DPP6: variants seen among roughly 807,000 people sequenced by gnomAD.
The protein encoded by DPP6 is A-type potassium channel modulatory protein DPP6.
DPP6 carries 69 observed loss-of-function variants against 122.6 expected under a neutral mutation model. The observed-to-expected ratio is 0.56, with a 90% CI of 0.46 to 0.69. The LOEUF is 0.69. Among genes scored for constraint, DPP6 ranks in the 30% least tolerant of loss-of-function variants. The pLI, the probability that DPP6 is intolerant of heterozygous loss-of-function variation, is 0.00. For missense variants in DPP6, 928 were observed against 1,116.9 expected (o/e 0.83, Z 2.41); for synonymous variants, 418 against 433.1 (o/e 0.97, Z 0.43).
chr7:154,865,328 G>A (rs1295213689), intron 17 of DPP6: 2 of 152,266 alleles, frequency 1.3e-5, no homozygotes, highest in Non-Finnish European at 2.9e-5. Flanking sequence ...CACCTGGGAT[G>A]ATCATGTCAG....
chr7:154,063,817 T>G (rs1802479095), intron 1 of DPP6, among the ~76,000 whole-genome samples: 1 of 151,212 alleles, frequency 6.6e-6, no homozygotes, highest in Admixed American at 6.6e-5. Flanking sequence ...TAGAAGAAAG[T>G]TCAAATCTTC....
At chr7:154,390,945 C>T (rs1428901664) in intron 1 of DPP6, among the ~76,000 whole-genome samples, 2 of 152,170 alleles carry the variant, frequency 1.3e-5, no homozygotes, top group Non-Finnish European at 2.9e-5. Flanking sequence ...AAGGGTCCCA[C>T]CGTTTCTAAC....
chr7:154,622,730 C>T (rs1834774692), intron 5 of DPP6, among the ~76,000 whole-genome samples: 1 of 152,126 alleles, frequency 6.6e-6, no homozygotes, highest in Admixed American at 6.5e-5. Flanking sequence ...TATGGGGAAG[C>T]AGTACTGCAG....
At chr7:154,110,732 C>T (rs1033065006) in intron 1 of DPP6, among the ~76,000 whole-genome samples, 2 of 151,668 alleles carry the variant, frequency 1.3e-5, no homozygotes, top group African/African-American at 2.4e-5. Context: ...GGAAATGGGT[C>T]GGGAGTTCTC....
chr7:154,680,676 T>TTATATA (rs1261722015), intron 7 of DPP6, among the ~76,000 whole-genome samples: 51 of 90,178 alleles, frequency 5.7e-4, no homozygotes, highest in African/African-American at 1.7e-3. Context: ...TAAAGCAACA[T>TTATATA]TATATATATA....
intron 1 of DPP6, among the ~76,000 whole-genome samples, chr7:154,039,286 T>C (rs539521778): frequency 8.1e-5 from 12 of 148,028 alleles, no homozygotes; most frequent in South Asian, 2.1e-4. Flanking sequence ...CAGGAAAATA[T>C]GCCTTTTTGA....
chr7:154,250,108 C>G (rs1802253461), intron 1 of DPP6, among the ~76,000 whole-genome samples: 1 of 152,126 alleles, frequency 6.6e-6, no homozygotes, highest in Non-Finnish European at 1.5e-5. Flanking sequence ...CACATACCCC[C>G]TGCTTGCTCA....
At chr7:154,802,796 C>T (rs1304325630) in intron 13 of DPP6, among the ~76,000 whole-genome samples, 1 of 149,432 alleles carries the variant, frequency 6.7e-6, no homozygotes, top group Admixed American at 6.6e-5. Flanking sequence ...GAGATCGTGC[C>T]ACTGCACTCC....
intron 1 of DPP6, chr7:154,058,899 A>G (rs1801219767): frequency 6.9e-6 from 1 of 145,244 alleles, no homozygotes; most frequent in African/African-American, 2.6e-5. Context: ...GTGGGGACTG[A>G]GAGCTATCCC....
rs76491186 is a variant in DPP6, at chr7:154,833,105, G to C, written c.1667-20675G>C. ...AGTCAAGGGACCCAAGCTTGGGGAA[G>C]GGACTAGCACGTGCTGAGACCTCTG... On this transcript the variant is annotated intron_variant, in intron 16 of 25. Transcript: ENST00000377770. This position sits in a 1 kb window ranked among gnomAD's most constrained non-coding sequence, Gnocchi z 4.3. 0.014 allele frequency among the ~76,000 whole-genome samples: 2,147 copies of C among 152,308 alleles called. 43 individuals carry two copies. Among genetic ancestry groups the C allele is most frequent in the African/African-American group, 0.048 (1,986 of 41,554 alleles).
chr7:154,887,809 G>C (rs1358454741), intron 23 of DPP6, 75 bp downstream of exon 23: 2 of 1,548,126 alleles, frequency 1.3e-6, no homozygotes, highest in Non-Finnish European at 1.8e-6. Flanking sequence ...TGCCCTGGCT[G>C]TATGGCCCAC....
intron 7 of DPP6, among the ~76,000 whole-genome samples, chr7:154,685,056 A>G (rs902608642): frequency 1.3e-5 from 2 of 152,236 alleles, no homozygotes; most frequent in African/African-American, 4.8e-5. Flanking sequence ...ATGAACTATA[A>G]TAGAACATCT....
intron 7 of DPP6, among the ~76,000 whole-genome samples, chr7:154,673,969 G>A (rs1221248027): frequency 1.3e-5 from 2 of 151,826 alleles, no homozygotes; most frequent in Non-Finnish European, 1.5e-5. Context: ...TCCACCTCCT[G>A]GGTTCAAGCA....
At chr7:154,337,220 C>T (rs755413462) in intron 1 of DPP6, among the ~76,000 whole-genome samples, 1 of 152,188 alleles carries the variant, frequency 6.6e-6, no homozygotes, top group Non-Finnish European at 1.5e-5. Context: ...GAGGCTGAGG[C>T]ACTGGCCATA....
chr7:153,853,028 C>A, the DPP6 span, among the ~76,000 whole-genome samples: 1 of 152,146 alleles, frequency 6.6e-6, no homozygotes. Flanking sequence ...CACAATGCCC[C>A]ATCTCTCTGC....
chr7:154,016,704 G>C (rs942766921), intron 1 of DPP6, among the ~76,000 whole-genome samples: 7 of 152,204 alleles, frequency 4.6e-5, no homozygotes, highest in African/African-American at 1.7e-4. Flanking sequence ...TCATTTGGTA[G>C]TTTTAGATTT....
chr7:154,873,334 C>T (rs917887465), intron 19 of DPP6, among the ~76,000 whole-genome samples: 1 of 152,168 alleles, frequency 6.6e-6, no homozygotes, highest in Non-Finnish European at 1.5e-5. Flanking sequence ...TGACACCGCA[C>T]GGGGAGGCAG....
At chr7:154,855,767 A>G (rs78693124) in intron 17 of DPP6, among the ~76,000 whole-genome samples, 1 of 152,342 alleles carries the variant, frequency 6.6e-6, no homozygotes, top group East Asian at 1.9e-4. Context: ...AGACCTCTTT[A>G]GGTGGAATTT....
intron 1 of DPP6, among the ~76,000 whole-genome samples, chr7:154,290,970 A>G (rs1805170556): frequency 6.6e-6 from 1 of 152,206 alleles, no homozygotes; most frequent in African/African-American, 2.4e-5. Context: ...ACAAGAGACA[A>G]AACAAAAGTA....
Sources: allele counts gnomAD v4.1 joint callset (sites outside exome capture counted in the v4.1 genomes callset), GRCh38; gene constraint gnomAD v4.1.1; non-coding constraint Gnocchi (gnomAD v3.1); transcripts MANE v1.5; gene names NCBI Gene and HGNC (gene_info 2026-07-23, HGNC 2026-07-21).